CCDC141: variants seen among roughly 807,000 people sequenced by gnomAD.
CCDC141 encodes the protein coiled-coil domain containing 141, also known as coiled-coil domain-containing protein 141.
In CCDC141, 168 loss-of-function variants were observed where a neutral mutation model predicts 181.0. The ratio of observed to expected loss-of-function variants is 0.93; its 90% CI spans 0.82 to 1.05. The LOEUF is 1.05. CCDC141 is among the 50% of genes least tolerant of loss of function. The pLI is 0.00. For synonymous variants in CCDC141, 666 were observed against 642.3 expected, an observed-to-expected ratio of 1.04 and a Z score of -0.56; for missense variants, 1,902 against 1,788.5, an observed-to-expected ratio of 1.06 and a Z score of -1.14.
At chr2:178,885,146 C>A in intron 10 of CCDC141, 54 bp from the exon 11 acceptor site, 1 of 1,256,714 alleles carries the variant, frequency 8.0e-7, no homozygotes, top group Non-Finnish European at 1.1e-6. Flanking sequence ...CATGAACATT[C>A]ACGTTTCATT....
intron 6 of CCDC141, among the ~76,000 whole-genome samples, chr2:178,938,972 G>T (rs898152412): frequency 6.6e-6 from 1 of 152,002 alleles, no homozygotes; most frequent in Non-Finnish European, 1.5e-5. Flanking sequence ...ATAAACATTT[G>T]GTCATTATAA....
At chr2:178,962,139 CA>C (rs1652351453) in intron 4 of CCDC141, among the ~76,000 whole-genome samples, 1 of 152,000 alleles carries the variant, frequency 6.6e-6, no homozygotes, top group Admixed American at 6.6e-5. Context: ...AGATATCTGC[CA>C]AATGGACTAC....
intron 4 of CCDC141, among the ~76,000 whole-genome samples, chr2:178,965,718 G>A (rs1690596297): frequency 6.6e-6 from 1 of 152,144 alleles, no homozygotes. Context: ...CTAGCTGCAG[G>A]GATTCTTTTT....
chr2:179,015,125 A>G (rs1352106415), intron 2 of CCDC141, among the ~76,000 whole-genome samples: 2 of 104,008 alleles, frequency 1.9e-5, no homozygotes, highest in South Asian at 6.0e-4. Flanking sequence ...AATCATATAT[A>G]TATATCATAT....
At chr2:178,917,566 C>G (rs771626219) in intron 7 of CCDC141, among the ~76,000 whole-genome samples, 1 of 152,164 alleles carries the variant, frequency 6.6e-6, no homozygotes, top group African/African-American at 2.4e-5. Context: ...TCATTCATTT[C>G]CTGCCACATT....
intron 4 of CCDC141, among the ~76,000 whole-genome samples, chr2:178,964,847 C>T (rs915459745): frequency 3.9e-5 from 6 of 152,092 alleles, no homozygotes; most frequent in African/African-American, 7.2e-5. Context: ...TCAGCACATA[C>T]GAAATCCTAC....
chr2:178,986,654 G>A lies in CCDC141; in HGVS notation c.226-7979C>T, dbSNP rs988268943. Among the ~76,000 whole-genome samples the A allele has an allele frequency of 2.0e-5, 3 of 151,870 alleles. No homozygotes were observed. In the East Asian group the frequency reaches 5.8e-4, roughly 29 times the overall value. ...CAAAATCAATGTGCAAAAATCACAA[G>A]CATTCCTATACACCAACAACAGACA... is the stretch of plus-strand genomic sequence containing the variant. On this transcript the variant is annotated intron_variant, in intron 2 of 23. Transcript: ENST00000443758.
At chr2:178,820,874 G>C in the CCDC141 span, among the ~76,000 whole-genome samples, 155 of 152,236 alleles carry the variant, frequency 1.0e-3, no homozygotes, top group Non-Finnish European at 1.7e-3. Flanking sequence ...CCTTTTTAGA[G>C]TGCTACAGTC....
chr2:178,850,053 A>C lies in CCDC141; in HGVS notation c.3353T>G (p.Leu1118Arg), dbSNP rs778615379. ...ATTCTAGGAAGAAGAAATTACCTTC[A>C]GTTTTTCTTCGAGCTCTGTGAGGGA... ...CESLTELEEKLKQGDVLKMNP... is the reference protein window; with the variant it reads ...CESLTELEEKRKQGDVLKMNP... Residue 1118 changes from leucine (L) to arginine (R), a missense_variant, in exon 21 of 24, where the codon CTG becomes CGG. Physicochemically the swap from Leu to Arg is moderately radical, Grantham distance 102 (BLOSUM62 -2). Transcript: ENST00000443758. 5 of 1,527,430 alleles carry C rather than the reference A, an allele frequency of 3.3e-6. No homozygotes were observed. The South Asian group carries it at 5.9e-5, about 18-fold the overall frequency. The allele number at this position is 1,527,430 out of a possible 1,614,324, so 94.6% of individuals were successfully genotyped here.
At chr2:178,916,484 A>T (rs1688452348) in intron 7 of CCDC141, among the ~76,000 whole-genome samples, 1 of 151,862 alleles carries the variant, frequency 6.6e-6, no homozygotes, top group Non-Finnish European at 1.5e-5. Flanking sequence ...GATTTACACG[A>T]CATAATTTCA....
chr2:178,878,475 C>A (rs1409463229), intron 11 of CCDC141, among the ~76,000 whole-genome samples: 1 of 99,596 alleles, frequency 1.0e-5, no homozygotes, highest in African/African-American at 4.9e-5. Flanking sequence ...CCAGGCCTGG[C>A]TAATTTTTTT....
intron 2 of CCDC141, among the ~76,000 whole-genome samples, chr2:178,982,068 G>T (rs1269794391): frequency 6.6e-6 from 1 of 151,976 alleles, no homozygotes; most frequent in African/African-American, 2.4e-5. Flanking sequence ...TTCCTTGAAA[G>T]CCACAATCTA....
intron 5 of CCDC141, among the ~76,000 whole-genome samples, chr2:178,959,466 G>A (rs1252522402): frequency 2.0e-5 from 3 of 152,118 alleles, no homozygotes; most frequent in African/African-American, 7.2e-5. Flanking sequence ...ACCCACTCAT[G>A]CTCAGAAGGA....
chr2:178,921,506 C>G (rs1688685781), intron 6 of CCDC141, among the ~76,000 whole-genome samples: 1 of 151,936 alleles, frequency 6.6e-6, no homozygotes, highest in African/African-American at 2.4e-5. Context: ...ATTGAACAGT[C>G]TTATGAGATG....
intron 8 of CCDC141, among the ~76,000 whole-genome samples, chr2:178,893,362 T>C (rs994068220): frequency 2.0e-5 from 3 of 152,088 alleles, no homozygotes; most frequent in Non-Finnish European, 4.4e-5. Flanking sequence ...AATTCCAATG[T>C]TAATGTGTTC....
rs192561722 is a variant in CCDC141, at chr2:178,884,913, C to T, written c.1707G>A (p.Lys569=). 3,562 of 1,550,256 alleles carry T rather than the reference C, an allele frequency of 2.3e-3. 7 individuals are homozygous for T. The highest frequency in any genetic ancestry group is 2.9e-3 in the Non-Finnish European group (3,270 of 1,146,752). ...QVLQTYVAFL[K]SSEEVEMQFQ... is the part of the protein sequence containing the mutation. ...CATAGTACCATACCTCCTCTGATGA[C>T]TTCAGAAATGCCACGTAAGTTTGCA... Residue 569 remains lysine, a synonymous_variant, in exon 11 of 24, where the codon AAG becomes AAA. Transcript: ENST00000443758.
intron 2 of CCDC141, among the ~76,000 whole-genome samples, chr2:179,015,551 C>CATATATATGATAT (rs151332465): frequency 1.9e-4 from 6 of 32,380 alleles, no homozygotes; most frequent in East Asian, 9.9e-4. Flanking sequence ...ATATATATCT[C>CATATATATGATAT]ATATCTCATA....
chr2:178,897,672 T>G (rs1687478484), intron 8 of CCDC141, among the ~76,000 whole-genome samples: 1 of 152,210 alleles, frequency 6.6e-6, no homozygotes, highest in East Asian at 1.9e-4. Flanking sequence ...TGAAGCAAGT[T>G]TATTTGTCAA....
Position 178,837,741 on chromosome 2 carries a change from GC to G in CCDC141, c.3477del (p.Gln1160ArgfsTer22), listed in dbSNP as rs768303117. 36 of 1,587,420 alleles carry G rather than the reference GC, an allele frequency of 2.3e-5. No individual in the cohort carries two copies. The highest frequency in any genetic ancestry group is 1.1e-4 in the Admixed American group (6 of 52,622). ...CCCAAAAGATCTGCCACCTGCACCT[GC>G]CCCTTGAAAAAAGAAAAGCCAAATC... Reference protein sequence around the residue: ...QTIFNEERNKGQVQVADLLGI... With the variant: ...QTIFNEERNKXQVQVADLLGI... On this transcript the variant is annotated frameshift_variant and splice_region_variant, in exon 23 of 24. Transcript: ENST00000443758. LOFTEE classifies it high-confidence loss of function.
Sources: gnomAD v4.1 joint callset for allele counts (sites outside exome capture counted in the v4.1 genomes callset) on GRCh38, gnomAD v4.1.1 for gene constraint, MANE v1.5 for transcripts, NCBI Gene and HGNC (gene_info 2026-07-23, HGNC 2026-07-21) for gene names.